The following AP2A2 variants were observed in gnomAD, a reference collection of about 807,000 sequenced individuals.
AP2A2 encodes the protein adaptor related protein complex 2 subunit alpha 2.
AP2A2 carries 32 observed loss-of-function variants against 104.2 expected under a neutral mutation model. The observed-to-expected ratio is 0.31, with a 90% CI of 0.23 to 0.41. The LOEUF (loss-of-function observed/expected upper bound fraction) is 0.41. AP2A2 is among the 10% of genes least tolerant of loss of function. The probability of loss-of-function intolerance (pLI) is 1.00; values close to 1 mark genes in which losing one functional copy is unlikely to be tolerated. For synonymous variants in AP2A2, 539 were observed against 533.3 expected, an observed-to-expected ratio of 1.01 and a Z score of -0.15; for missense variants, 912 against 1,261.0, an observed-to-expected ratio of 0.72 and a Z score of 4.19.
intron 1 of AP2A2, chr11:940,899 G>A (rs765938362): frequency 6.6e-6 from 3 of 456,186 alleles, no homozygotes; most frequent in South Asian, 3.1e-5. Context: ...TGCTTGGTGA[G>A]CAGGTGGGTG....
At position 1,011,831 on chromosome 11, in the gene AP2A2, G is replaced by A; in HGVS notation, c.*1206G>A. 2 of 285,302 alleles carry A rather than the reference G, an allele frequency of 7.0e-6. No homozygotes were observed. The highest frequency in any genetic ancestry group is 6.3e-5 in the South Asian group (2 of 31,610). The allele number at this position is 285,302 out of a possible 1,614,324, so 17.7% of individuals were successfully genotyped here. A position where few individuals can be genotyped will look rare whatever the true frequency, so the allele number is the denominator to read the frequency against. ...CCTGGGGCAGCTGCAGGGGCTCATG[G>A]ACCCATCAGGGTCTCCACAGCTCCC... is the stretch of plus-strand genomic sequence containing the variant. On this transcript the variant is annotated 3_prime_UTR_variant, in exon 22 of 22. Transcript: ENST00000448903.
In AP2A2 at chr11:926,587, C is replaced by T. The variant is rs543973823; in HGVS notation, c.67+499C>T. The stretch of plus-strand genomic sequence containing the variant: ...GCGTTTAACCCAGCGTTTTCCAAAA[C>T]GGCGTGGATTTTAGCTTTGGGAGCA... On this transcript the variant is annotated intron_variant, in intron 1 of 21. Transcript: ENST00000448903. 5.3e-5 allele frequency among the ~76,000 whole-genome samples: 8 copies of T among 152,286 alleles called. No homozygotes were observed. The South Asian group carries it at 8.3e-4, about 16-fold the overall frequency.
At chr11:1,009,491 G>A (rs1856331475) in intron 20 of AP2A2, 94 bp downstream of exon 20, 2 of 1,407,870 alleles carry the variant, frequency 1.4e-6, no homozygotes, top group South Asian at 1.2e-5. Context: ...CGCAGCCCAT[G>A]ACCCCGCGCC....
chr11:958,865 AG>A (rs1854329934), intron 1 of AP2A2, among the ~76,000 whole-genome samples: 1 of 152,164 alleles, frequency 6.6e-6, no homozygotes, highest in Admixed American at 6.5e-5. Context: ...CAGGGGAGGC[AG>A]GCTGATTTCA....
At chr11:975,086 G>A (rs1447653097) in intron 4 of AP2A2, among the ~76,000 whole-genome samples, 2 of 152,210 alleles carry the variant, frequency 1.3e-5, no homozygotes, top group Non-Finnish European at 2.9e-5. Context: ...GTGCTGAGGA[G>A]GTCAGGTCAT....
rs995645133 is a variant in AP2A2 at position 954,688 on chromosome 11, A to G, written c.68-4749A>G. 8.0e-5 allele frequency among the ~76,000 whole-genome samples: 12 copies of G among 150,870 alleles called. No individual in the cohort carries two copies. The South Asian group carries it at 1.7e-3, about 21-fold the overall frequency. On this transcript the variant is annotated intron_variant, in intron 1 of 21. Transcript: ENST00000448903. ...TTTGTGTTTGTATAAATGTGTATTCATGTGTGTTTGTAAATGTGTGCATGT... is the reference window on the plus strand; with the variant it reads ...TTTGTGTTTGTATAAATGTGTATTCGTGTGTGTTTGTAAATGTGTGCATGT...
intron 7 of AP2A2, 21 bp downstream of exon 7, chr11:984,774 C>T: frequency 6.5e-7 from 1 of 1,547,986 alleles, no homozygotes; most frequent in East Asian, 2.2e-5. Context: ...GGCCGCGGCT[C>T]CTGAAGCTGC....
At chr11:999,140 G>T (rs1855947830) in intron 14 of AP2A2, among the ~76,000 whole-genome samples, 1 of 152,216 alleles carries the variant, frequency 6.6e-6, no homozygotes, top group Non-Finnish European at 1.5e-5. Flanking sequence ...GGATGGGTGA[G>T]CATGCGATGG....
intron 1 of AP2A2, among the ~76,000 whole-genome samples, chr11:930,305 T>G (rs185937423): frequency 6.6e-6 from 1 of 152,214 alleles, no homozygotes; most frequent in African/African-American, 2.4e-5. Flanking sequence ...AGGTGCCTCG[T>G]GTCAAGCTCT....
chr11:959,531 A>T (rs1422952217), intron 2 of AP2A2, 26 bp downstream of exon 2: 10 of 1,447,338 alleles, frequency 6.9e-6, no homozygotes, highest in Non-Finnish European at 8.6e-6. Context: ...CTTTTCCATG[A>T]AATGTCCTGT....
In AP2A2 at chr11:1,009,828, C is replaced by T. The variant is rs1835647550; in HGVS notation, c.2742+11C>T. 2 of 1,537,750 alleles carry T rather than the reference C, an allele frequency of 1.3e-6. No homozygotes were observed. Among genetic ancestry groups the T allele is most frequent in the African/African-American group, 1.4e-5 (1 of 72,940 alleles). On this transcript the variant is annotated intron_variant, in intron 21 of 21. Transcript: ENST00000448903. ...AACCTGCAAGCCCAGGTCAGGCCCT[C>T]AGGAAATGGTGGAACACACTTGAGT...
chr11:993,612 G>A lies in AP2A2; in HGVS notation c.1551-142G>A, dbSNP rs1228169452. Reference sequence around the variant, plus strand: ...TTAGTGAAAGGGGCGTCTTTGCGGTGGGATCTGGAGCTGGAAGAGGGTCCC... The same window carrying A: ...TTAGTGAAAGGGGCGTCTTTGCGGTAGGATCTGGAGCTGGAAGAGGGTCCC... On this transcript the variant is annotated intron_variant, in intron 12 of 21. Coordinates refer to ENST00000448903, the MANE Select transcript of AP2A2 (RefSeq NM_012305.4). The surrounding 1 kb of genome is among the most constrained non-coding windows in gnomAD (Gnocchi z 8.2). The A allele has an allele frequency of 4.5e-6, 3 of 673,270 alleles. No individual in the cohort carries two copies. The highest frequency in any genetic ancestry group is 3.9e-5 in the South Asian group (2 of 51,820). The allele number at this position is 673,270 out of a possible 1,614,324, so 41.7% of individuals were successfully genotyped here. A position where few individuals can be genotyped will look rare whatever the true frequency, so the allele number is the denominator to read the frequency against.
intron 14 of AP2A2, among the ~76,000 whole-genome samples, chr11:999,908 A>T (rs1198951519): frequency 1.4e-5 from 2 of 146,918 alleles, no homozygotes; most frequent in African/African-American, 5.1e-5. Flanking sequence ...GGTTCACACC[A>T]TTCTCCTGCC....
At chr11:987,032 G>A (rs1855485220) in intron 9 of AP2A2, 79 bp downstream of exon 9, 3 of 1,476,468 alleles carry the variant, frequency 2.0e-6, no homozygotes, top group African/African-American at 2.8e-5. Context: ...GGGGTACGCA[G>A]TGCCTCCTGA....
At chr11:926,365 G>T (rs1298896519) in intron 1 of AP2A2, among the ~76,000 whole-genome samples, 16 of 148,976 alleles carry the variant, frequency 1.1e-4, no homozygotes, top group African/African-American at 4.0e-4. Flanking sequence ...TGCAGAGCGG[G>T]GCCCTGGGTC....
At position 973,912 on chromosome 11, in the gene AP2A2, A is replaced by G. The variant is rs1854921601; in HGVS notation, c.473+1657A>G. On this transcript the variant is annotated intron_variant, in intron 4 of 21. Transcript: ENST00000448903. ...GCATCTTGAACAGTACCAGGTCCCTAGTAGGTGCTTGGTGGATGTCTGCGC... is the reference window on the plus strand; with the variant it reads ...GCATCTTGAACAGTACCAGGTCCCTGGTAGGTGCTTGGTGGATGTCTGCGC... Among the ~76,000 whole-genome samples, 4 of 152,160 alleles carry G rather than the reference A, an allele frequency of 2.6e-5. No individual in the cohort carries two copies. In the South Asian group the frequency reaches 8.3e-4, roughly 32 times the overall value.
rs1322854733 is a variant in AP2A2 at position 981,314 on chromosome 11, G to T, written c.705+15G>T. 3 of 1,579,464 alleles carry T rather than the reference G, an allele frequency of 1.9e-6. No homozygotes were observed. Among genetic ancestry groups the T allele is most frequent in the Non-Finnish European group, 2.6e-6 (3 of 1,151,468 alleles). On this transcript the variant is annotated intron_variant, in intron 6 of 21. Coordinates refer to ENST00000448903, the MANE Select transcript of AP2A2 (RefSeq NM_012305.4). ...GGCTAAGCAGAGTAAGTCTGTTCGTGGGGGAGCAGAAGTCAGGGTGGGTTT... is the reference window on the plus strand; with the variant it reads ...GGCTAAGCAGAGTAAGTCTGTTCGTTGGGGAGCAGAAGTCAGGGTGGGTTT...
At chr11:1,000,888 C>T (rs1346536990) in intron 15 of AP2A2, among the ~76,000 whole-genome samples, 2 of 152,136 alleles carry the variant, frequency 1.3e-5, no homozygotes, top group East Asian at 1.9e-4. Flanking sequence ...CGGTGATGTC[C>T]GATCATGTTT....
At chr11:941,360 GCC>G (rs1190109424) in intron 1 of AP2A2, among the ~76,000 whole-genome samples, 2 of 152,274 alleles carry the variant, frequency 1.3e-5, no homozygotes, top group South Asian at 4.2e-4. Flanking sequence ...CTACACACAT[GCC>G]CCGGCCCCCA....
Sources: gnomAD v4.1 joint callset for allele counts (sites outside exome capture counted in the v4.1 genomes callset) on GRCh38, gnomAD v4.1.1 for gene constraint, Gnocchi (gnomAD v3.1) non-coding constraint, MANE v1.5 for transcripts, NCBI Gene and HGNC (gene_info 2026-07-23, HGNC 2026-07-21) for gene names.